ARPC1A: variants seen among roughly 807,000 people sequenced by gnomAD.
The protein encoded by ARPC1A is actin-related protein 2/3 complex subunit 1A.
Under a neutral mutation model 46.9 loss-of-function variants are expected in ARPC1A, and 8 were observed. That is an observed-to-expected ratio of 0.17 (90% CI 0.10 to 0.31). ARPC1A has a LOEUF of 0.31. ARPC1A is among the 10% of genes least tolerant of loss of function. ARPC1A has a pLI of 1.00. For missense variants in ARPC1A, 286 were observed against 483.6 expected, an observed-to-expected ratio of 0.59 and a Z score of 3.83; for synonymous variants, 152 against 169.0, an observed-to-expected ratio of 0.90 and a Z score of 0.78.
chr7:99,330,434 C>G (rs2150857295), intron 1 of ARPC1A, among the ~76,000 whole-genome samples: 1 of 152,284 alleles, frequency 6.6e-6, no homozygotes, highest in South Asian at 2.1e-4. Context: ...TGTGCCTCAG[C>G]CTCCTGAGTA....
chr7:99,334,944 C>T (rs1793214644), intron 2 of ARPC1A, among the ~76,000 whole-genome samples: 1 of 152,128 alleles, frequency 6.6e-6, no homozygotes, highest in Admixed American at 6.5e-5. Flanking sequence ...CCGGGGTTCA[C>T]ACCATTCTCC....
intron 2 of ARPC1A, among the ~76,000 whole-genome samples, chr7:99,337,625 G>C (rs1432600460): frequency 6.6e-6 from 1 of 152,112 alleles, no homozygotes; most frequent in Non-Finnish European, 1.5e-5. Flanking sequence ...ATTAGTTCAG[G>C]AAATTACTCT....
At chr7:99,338,116 C>A in intron 2 of ARPC1A, 65 bp from the exon 3 acceptor site, 3 of 1,228,458 alleles carry the variant, frequency 2.4e-6, no homozygotes, top group Non-Finnish European at 3.5e-6. Flanking sequence ...ACAACTGTGA[C>A]ATGTCCCCTT....
At chr7:99,340,622 G>A (rs1372883169) in intron 3 of ARPC1A, among the ~76,000 whole-genome samples, 1 of 152,152 alleles carries the variant, frequency 6.6e-6, no homozygotes, top group Non-Finnish European at 1.5e-5. Context: ...TTTTTGTAAA[G>A]ATAGATTTCA....
Position 99,365,216 on chromosome 7 carries a change from C to T in ARPC1A, c.1075-675C>T, listed in dbSNP as rs151117473. Among the ~76,000 whole-genome samples, 1,269 of 151,892 alleles carry T rather than the reference C, an allele frequency of 8.4e-3. 6 individuals carry two copies. Among genetic ancestry groups the T allele is most frequent in the Middle Eastern group, 0.024 (7 of 294 alleles). On this transcript the variant is annotated intron_variant, in intron 9 of 9. Transcript: ENST00000262942. ...CTGTCTTCCCAGCACTTTGGGAGGC[C>T]GAGGTGGGAGAATCGCTTGAGGCCA...
intron 3 of ARPC1A, among the ~76,000 whole-genome samples, chr7:99,343,647 A>G (rs1193433761): frequency 6.6e-6 from 1 of 152,194 alleles, no homozygotes. Flanking sequence ...TCAAATAAGA[A>G]AAATAAACCT....
intron 3 of ARPC1A, chr7:99,339,928 A>G (rs937032808): frequency 2.2e-6 from 1 of 454,926 alleles, no homozygotes; most frequent in Admixed American, 2.4e-5. Flanking sequence ...GTCCTGTATG[A>G]GAGTGCTCAT....
At chr7:99,327,182 G>A (rs1018366989) in intron 1 of ARPC1A, among the ~76,000 whole-genome samples, 2 of 150,338 alleles carry the variant, frequency 1.3e-5, no homozygotes, top group African/African-American at 4.9e-5. Context: ...AACTGTGGTT[G>A]TTGTCTTCCT....
intron 6 of ARPC1A, among the ~76,000 whole-genome samples, chr7:99,354,336 G>A (rs778028716): frequency 4.7e-5 from 7 of 148,808 alleles, no homozygotes; most frequent in Non-Finnish European, 1.0e-4. Context: ...GCCTGGCCAA[G>A]ATGGTGAAAC....
chr7:99,359,562 A>T lies in ARPC1A; in HGVS notation c.807A>T (p.Pro269=). The T allele has an allele frequency of 6.2e-7, 1 of 1,614,012 alleles. No individual in the cohort carries two copies. ...SVVAAGHDCC[P]MLFNYDDRGC... ...TGTTTCAGGGCCATGACTGCTGCCC[A>T]ATGCTCTTTAACTACGATGACCGCG... Residue 269 remains proline, a synonymous_variant, in exon 8 of 10, where the codon CCA becomes CCT. Coordinates refer to ENST00000262942, the MANE Select transcript of ARPC1A (RefSeq NM_006409.4).
intron 2 of ARPC1A, among the ~76,000 whole-genome samples, chr7:99,335,221 C>T (rs1007071278): frequency 1.3e-5 from 2 of 152,122 alleles, no homozygotes; most frequent in Non-Finnish European, 2.9e-5. Flanking sequence ...AACTCCTGGC[C>T]TCCAGCAATC....
chr7:99,353,820 T>A, intron 5 of ARPC1A, 89 bp from the exon 6 acceptor site: 2 of 1,298,198 alleles, frequency 1.5e-6, no homozygotes, highest in Non-Finnish European at 2.2e-6. Flanking sequence ...CTTTGCATTC[T>A]GAGATTCCTT....
chr7:99,350,277 C>CT (rs796594944), intron 5 of ARPC1A, among the ~76,000 whole-genome samples: 32 of 152,264 alleles, frequency 2.1e-4, no homozygotes, highest in African/African-American at 7.7e-4. Flanking sequence ...CTGTGTCTCC[C>CT]TTTCTCCCTG....
chr7:99,355,185 G>A (rs1793608716), intron 6 of ARPC1A, among the ~76,000 whole-genome samples: 1 of 151,776 alleles, frequency 6.6e-6, no homozygotes, highest in South Asian at 2.1e-4. Flanking sequence ...GGGAGGCTGA[G>A]GCTAGAGAAT....
chr7:99,340,152 G>T lies in ARPC1A; in HGVS notation c.169+1867G>T, dbSNP rs1001443469. The T allele has an allele frequency of 2.9e-5, 6 of 203,722 alleles. No individual in the cohort carries two copies. The African/African-American group carries it at 1.5e-3, about 50-fold the overall frequency. The allele number at this position is 203,722 out of a possible 1,614,324, so 12.6% of individuals were successfully genotyped here. A position where few individuals can be genotyped will look rare whatever the true frequency, so the allele number is the denominator to read the frequency against. The stretch of plus-strand genomic sequence containing the variant: ...GAGTTTTTGTCTTTTTTCTGTTTTT[G>T]TTTGTTTGTTTGTTTGTTTGTTTGT... On this transcript the variant is annotated intron_variant, in intron 3 of 9. Transcript: ENST00000262942.
At chr7:99,349,307 C>A (rs1188066600) in intron 5 of ARPC1A, among the ~76,000 whole-genome samples, 1 of 152,044 alleles carries the variant, frequency 6.6e-6, no homozygotes, top group Non-Finnish European at 1.5e-5. Context: ...AAGTGATCCT[C>A]CCTCCTTGGC....
chr7:99,337,578 A>C (rs1008182692), intron 2 of ARPC1A, among the ~76,000 whole-genome samples: 1 of 152,138 alleles, frequency 6.6e-6, no homozygotes, highest in Non-Finnish European at 1.5e-5. Context: ...AACCTGTATG[A>C]GTTTTTAAAA....
At chr7:99,334,094 C>A (rs1235214955) in intron 2 of ARPC1A, among the ~76,000 whole-genome samples, 2 of 150,716 alleles carry the variant, frequency 1.3e-5, no homozygotes, top group African/African-American at 2.5e-5. Flanking sequence ...AGCATGGAGG[C>A]TCATGTCTGT....
intron 1 of ARPC1A, among the ~76,000 whole-genome samples, chr7:99,326,303 C>T (rs1793046831): frequency 6.6e-6 from 1 of 152,204 alleles, no homozygotes; most frequent in Admixed American, 6.5e-5. Context: ...TTGTCACCGT[C>T]TCTAAAATTG....
Sources: allele counts gnomAD v4.1 joint callset (sites outside exome capture counted in the v4.1 genomes callset), GRCh38; gene constraint gnomAD v4.1.1; transcripts MANE v1.5; gene names NCBI Gene and HGNC (gene_info 2026-07-23, HGNC 2026-07-21).